Variants in CCDC57 observed in about 807,000 individuals in gnomAD.
CCDC57 encodes coiled-coil domain-containing protein 57.
A neutral mutation model predicts 118.9 loss-of-function variants in CCDC57; 118 were observed. The ratio of observed to expected loss-of-function variants is 0.99; its 90% CI spans 0.86 to 1.16. The LOEUF (loss-of-function observed/expected upper bound fraction) is 1.16, where lower values mean the gene tolerates loss of function less well. Among genes scored for constraint, CCDC57 ranks in the 50% most tolerant of loss-of-function variants. The probability of loss-of-function intolerance (pLI) is 0.00; values close to 1 mark genes in which losing one functional copy is unlikely to be tolerated. For synonymous variants in CCDC57, 527 were observed against 532.9 expected, an observed-to-expected ratio of 0.99 and a Z score of 0.15; for missense variants, 1,300 against 1,320.7, an observed-to-expected ratio of 0.98 and a Z score of 0.24.
chr17:82,141,914 T>C (rs555062539), intron 16 of CCDC57, among the ~76,000 whole-genome samples: 1 of 152,320 alleles, frequency 6.6e-6, no homozygotes, highest in East Asian at 1.9e-4. Flanking sequence ...CTCATTGTCT[T>C]TGCGATTTGA....
chr17:82,147,616 G>A (rs2040951965), intron 16 of CCDC57, among the ~76,000 whole-genome samples: 1 of 123,300 alleles, frequency 8.1e-6, no homozygotes, highest in Admixed American at 9.0e-5. Flanking sequence ...TAGATGGATG[G>A]ATGATTGGGC....
intron 16 of CCDC57, among the ~76,000 whole-genome samples, chr17:82,150,105 ACC>A (rs66567838): frequency 0.21 from 13,733 of 64,632 alleles, 3,021 homozygotes; most frequent in East Asian, 0.74. Context: ...CCTGACCCAC[ACC>A]CAGAACCAGG....
intron 19 of CCDC57, chr17:82,127,375 G>A (rs868404053): frequency 1.4e-4 from 26 of 180,044 alleles, no homozygotes; most frequent in Middle Eastern, 2.9e-3. Context: ...GCCTGCGCCC[G>A]GGTGTACAGT....
chr17:82,118,926 C>T lies in CCDC57; in HGVS notation c.2899+8766G>A, dbSNP rs1029335670. 6.6e-6 allele frequency among the ~76,000 whole-genome samples: 1 copy of T among 151,638 alleles called. No individual in the cohort carries two copies. The highest frequency in any genetic ancestry group is 1.5e-5 in the Non-Finnish European group (1 of 67,946). ...TTTCGTGGTTTGCCTTGGAGTCCCT[C>T]CCTCGCCCTGGAATGCCTGGTAGTG... On this transcript the variant is annotated intron_variant, in intron 19 of 19. Coordinates refer to ENST00000665763, the Ensembl canonical transcript of CCDC57. The surrounding 1 kb of genome is among the most constrained non-coding windows in gnomAD (Gnocchi z 4.7).
chr17:82,119,126 G>T (rs1444320325), intron 19 of CCDC57, among the ~76,000 whole-genome samples: 1 of 3,408 alleles, frequency 2.9e-4, no homozygotes, highest in Non-Finnish European at 6.4e-4. Flanking sequence ...GGGGGCAGGG[G>T]TGGGGGTGGG....
At chr17:82,133,256 C>T (rs1470537767) in intron 17 of CCDC57, among the ~76,000 whole-genome samples, 1 of 151,838 alleles carries the variant, frequency 6.6e-6, no homozygotes, top group Admixed American at 6.6e-5. Context: ...CACCTGTGGT[C>T]CCAGCTACTT....
At chr17:82,195,416 C>A (rs781687116) in intron 4 of CCDC57, 52 bp from the exon 4 acceptor site, 197 of 1,428,456 alleles carry the variant, frequency 1.4e-4, no homozygotes, top group Admixed American at 3.3e-4. Context: ...CAGCAAAGAC[C>A]CCCACCCACG....
intron 19 of CCDC57, chr17:82,126,255 G>C (rs752232767): frequency 2.1e-6 from 1 of 468,582 alleles, no homozygotes; most frequent in Non-Finnish European, 2.8e-6. Flanking sequence ...ACTCCAGCCC[G>C]AGCAACAAGA....
chr17:82,188,419 C>A, exon 8 of CCDC57: 2 of 1,609,682 alleles, frequency 1.2e-6, no homozygotes, highest in East Asian at 2.2e-5. Flanking sequence ...GCTCCTCATG[C>A]CTGAAACACA....
chr17:82,146,842 T>C (rs917644302), intron 16 of CCDC57, among the ~76,000 whole-genome samples: 1 of 152,050 alleles, frequency 6.6e-6, no homozygotes, highest in Non-Finnish European at 1.5e-5. Context: ...CAAACGCACA[T>C]GCACAGTCTT....
chr17:82,101,704 C>T (rs759817567), exon 20 of CCDC57: 8 of 1,607,482 alleles, frequency 5.0e-6, no homozygotes, highest in South Asian at 2.2e-5. Context: ...GTTGTAGTTA[C>T]GGATCTTGGG....
At chr17:82,162,052 TACAATGGC>T (rs2043406750) in intron 14 of CCDC57, among the ~76,000 whole-genome samples, 2 of 152,078 alleles carry the variant, frequency 1.3e-5, no homozygotes, top group African/African-American at 4.8e-5. Context: ...CAAGCTAGAG[TACAATGGC>T]ACAATCTCGG....
chr17:82,127,933 A>G (rs761982946), intron 18 of CCDC57, 25 bp from the exon 18 acceptor site: 2 of 1,609,750 alleles, frequency 1.2e-6, no homozygotes, highest in Admixed American at 3.4e-5. Flanking sequence ...ATCGTCTTGA[A>G]AGCCACCCTC....
chr17:82,171,910 C>T (rs2044792312), intron 12 of CCDC57, 57 bp from the exon 12 acceptor site: 2 of 1,568,928 alleles, frequency 1.3e-6, no homozygotes, highest in East Asian at 4.5e-5. Context: ...TCGCACCTCC[C>T]TCCTGTGAGC....
intron 4 of CCDC57, among the ~76,000 whole-genome samples, chr17:82,197,046 TGCAGCCCCTCGTGACTCCTGCAGAGAC>T (rs1253184267): frequency 2.7e-3 from 265 of 97,090 alleles, no homozygotes; most frequent in African/African-American, 9.4e-3. Flanking sequence ...CCTGCAGAGA[TGCAGCCCCTCGTGACTCCTGCAGAGAC>T]GCAGCCCCTC....
rs183379532 is a variant in CCDC57 at position 82,203,662 on chromosome 17, T to C, written c.-8-1710A>G. ...AGATAAAGTTTCTTCTGGCTGGTCC[T>C]AGCTGCCCCCAACCCTTTAGAGGTC... On this transcript the variant is annotated intron_variant, in intron 2 of 19. Coordinates refer to ENST00000665763, the Ensembl canonical transcript of CCDC57. 5.4e-4 allele frequency among the ~76,000 whole-genome samples: 82 copies of C among 152,338 alleles called. 1 individual carries two copies. In the East Asian group the frequency reaches 0.014, roughly 25 times the overall value.
At chr17:82,181,509 T>C (rs906123939) in intron 9 of CCDC57, among the ~76,000 whole-genome samples, 6 of 152,162 alleles carry the variant, frequency 3.9e-5, no homozygotes, top group East Asian at 1.9e-4. Flanking sequence ...CAAAACCAGA[T>C]GCTCGCCAAC....
rs139890455 is a variant in CCDC57, at chr17:82,188,530, T to A, written c.852-111A>T. On this transcript the variant is annotated intron_variant, in intron 7 of 19. Coordinates refer to ENST00000665763, the Ensembl canonical transcript of CCDC57. ...TCTCGTGCACAGGTGCTGCTGTATG[T>A]CTGCCTCAAGGCTTCGCAGCAGCCA... is the stretch of plus-strand genomic sequence containing the variant. 3.9e-3 allele frequency: 4,449 copies of A among 1,149,102 alleles called. 31 individuals are homozygous for A. Among genetic ancestry groups the A allele is most frequent in the South Asian group, 0.014 (860 of 62,830 alleles). 71.2% of individuals were successfully genotyped at this position (1,149,102 alleles called of 1,614,324 possible). A position where few individuals can be genotyped will look rare whatever the true frequency, so the allele number is the denominator to read the frequency against.
intron 14 of CCDC57, among the ~76,000 whole-genome samples, chr17:82,161,091 C>G (rs527304711): frequency 6.6e-6 from 1 of 152,206 alleles, no homozygotes; most frequent in African/African-American, 2.4e-5. Context: ...CTGACCAAGA[C>G]GCACATGAGA....
Sources: allele counts gnomAD v4.1 joint callset (sites outside exome capture counted in the v4.1 genomes callset), GRCh38; gene constraint gnomAD v4.1.1; non-coding constraint Gnocchi (gnomAD v3.1); transcripts MANE v1.5; gene names NCBI Gene and HGNC (gene_info 2026-07-23, HGNC 2026-07-21).